Variants in SEC23IP observed in about 807,000 individuals in gnomAD.
SEC23IP encodes the protein SEC23-interacting protein.
SEC23IP carries 70 observed loss-of-function variants against 113.4 expected under a neutral mutation model. The ratio of observed to expected loss-of-function variants is 0.62; its 90% CI spans 0.51 to 0.75. The LOEUF (loss-of-function observed/expected upper bound fraction) is 0.75, where lower values mean the gene tolerates loss of function less well. SEC23IP is among the 30% of genes least tolerant of loss of function. The probability of loss-of-function intolerance (pLI) is 0.00; values close to 1 mark genes in which losing one functional copy is unlikely to be tolerated. For synonymous variants in SEC23IP, 398 were observed against 421.0 expected (o/e 0.95, Z 0.67); for missense variants, 1,160 against 1,204.9 (o/e 0.96, Z 0.55).
At chr10:119,909,369 G>A (rs1312175004) in intron 5 of SEC23IP, among the ~76,000 whole-genome samples, 1 of 152,162 alleles carries the variant, frequency 6.6e-6, no homozygotes, top group Non-Finnish European at 1.5e-5. Flanking sequence ...ACCTGTGAGA[G>A]GCTGAGACAG....
intron 13 of SEC23IP, among the ~76,000 whole-genome samples, chr10:119,927,699 T>C (rs1855468507): frequency 6.6e-6 from 1 of 152,238 alleles, no homozygotes; most frequent in Non-Finnish European, 1.5e-5. Context: ...TATGAGGTAT[T>C]AGGGGTTAGG....
rs1052145920 is a variant in SEC23IP, at chr10:119,910,825, G to A, written c.1192-1219G>A. Among the ~76,000 whole-genome samples the A allele has an allele frequency of 6.6e-5, 10 of 151,904 alleles. No individual in the cohort carries two copies. In the East Asian group the frequency reaches 1.9e-3, roughly 29 times the overall value. On this transcript the variant is annotated intron_variant, in intron 5 of 18. Coordinates refer to ENST00000369075, the MANE Select transcript of SEC23IP (RefSeq NM_007190.4). ...GCCTCCCGAGTAGCTAGGACTACAG[G>A]TGTGCGCCACCTTGCCTGGCCAGTT...
intron 7 of SEC23IP, 128 bp from the exon 8 acceptor site, chr10:119,915,620 C>T: frequency 1.5e-6 from 1 of 689,418 alleles, no homozygotes. Context: ...TTCTCTTATC[C>T]TCATTTTTTT....
At position 119,941,847 on chromosome 10, in the gene SEC23IP, TC is replaced by T. The variant is rs1855974202; in HGVS notation, c.*1284del. ...GTCAGTATGTAACGTTAGCATTGGCTCCTAATGGTAGAATTAGAACAGCAAG... is the reference window on the plus strand; with the variant it reads ...GTCAGTATGTAACGTTAGCATTGGCTCTAATGGTAGAATTAGAACAGCAAG... On this transcript the variant is annotated 3_prime_UTR_variant, in exon 19 of 19. Transcript: ENST00000369075. 6.6e-6 allele frequency: 1 copy of T among 152,640 alleles called. No homozygotes were observed. The highest frequency in any genetic ancestry group is 6.5e-5 in the Admixed American group (1 of 15,274). 9.5% of individuals were successfully genotyped at this position (152,640 alleles called of 1,614,324 possible). A position where few individuals can be genotyped will look rare whatever the true frequency, so the allele number is the denominator to read the frequency against.
In SEC23IP at chr10:119,898,824, T is replaced by G; in HGVS notation, c.561T>G (p.Pro187=). ...GATACAATCCATATCGCCATACCCC[T>G]GGCAGCAGCAGGGCTAATCCTTACA... ...QPGYNPYRHT[P]GSSRANPYIA... is the part of the protein sequence containing the mutation. Residue 187 remains proline (P), a synonymous_variant, in exon 2 of 19, where the codon CCT becomes CCG. Transcript: ENST00000369075. The G allele has an allele frequency of 6.2e-7, 1 of 1,614,068 alleles. No homozygotes were observed. The highest frequency in any genetic ancestry group is 8.5e-7 in the Non-Finnish European group (1 of 1,180,022).
At chr10:119,929,378 C>T (rs962411757) in intron 13 of SEC23IP, among the ~76,000 whole-genome samples, 1 of 152,046 alleles carries the variant, frequency 6.6e-6, no homozygotes, top group Non-Finnish European at 1.5e-5. Flanking sequence ...GAACTACAGG[C>T]GCATGCCACC....
At chr10:119,933,225 C>T in intron 17 of SEC23IP, 58 bp downstream of exon 17, 1 of 1,431,116 alleles carries the variant, frequency 7.0e-7, no homozygotes, top group Non-Finnish European at 9.7e-7. Flanking sequence ...GCACGTGCAG[C>T]AATTTTAGTT....
At chr10:119,931,822 G>A (rs1363785699) in intron 15 of SEC23IP, among the ~76,000 whole-genome samples, 1 of 151,848 alleles carries the variant, frequency 6.6e-6, no homozygotes, top group Non-Finnish European at 1.5e-5. Context: ...AAAGTGCTGG[G>A]ATTACAGGTG....
intron 2 of SEC23IP, among the ~76,000 whole-genome samples, chr10:119,900,944 A>ATT: frequency 7.4e-6 from 1 of 136,024 alleles, no homozygotes; most frequent in South Asian, 2.2e-4. Flanking sequence ...TCTATAATCT[A>ATT]TTTTTTTTTT....
intron 4 of SEC23IP, among the ~76,000 whole-genome samples, chr10:119,905,801 C>T (rs142780532): frequency 5.9e-5 from 9 of 151,930 alleles, no homozygotes; most frequent in East Asian, 1.9e-4. Context: ...AATTAACATA[C>T]GTAAATTAGT....
rs574740072 is a variant in SEC23IP, at chr10:119,914,672, T to C, written c.1313-58T>C. The C allele has an allele frequency of 9.3e-5, 129 of 1,381,900 alleles. No individual in the cohort carries two copies. In the African/African-American group the frequency reaches 1.8e-3, roughly 19 times the overall value. The allele number at this position is 1,381,900 out of a possible 1,614,324, so 85.6% of individuals were successfully genotyped here. A position where few individuals can be genotyped will look rare whatever the true frequency, so the allele number is the denominator to read the frequency against. ...AAAGGGATATCTAGAATATTGCCAT[T>C]AGGAAAATCCAAACAAATTCCCATC... On this transcript the variant is annotated intron_variant, in intron 6 of 18. Transcript: ENST00000369075.
rs756524270 is a variant in SEC23IP at position 119,920,952 on chromosome 10, G to T, written c.2089G>T (p.Ala697Ser). 6.2e-7 allele frequency: 1 copy of T among 1,613,770 alleles called. No individual in the cohort carries two copies. The highest frequency in any genetic ancestry group is 2.2e-5 in the East Asian group (1 of 44,858). ...ACCCCTTGGACCCAGAAAGAAGATA[G>T]CTAACTTTGTAGAACATAAAGCAGC... ...GIPLGPRKKI[A>S]NFVEHKAAKL... is the part of the protein sequence containing the mutation. Residue 697 changes from alanine to serine, a missense_variant, in exon 12 of 19, where the codon GCT becomes TCT. By Grantham distance (99) the Ala-to-Ser change is moderately conservative. Transcript: ENST00000369075.
At chr10:119,930,511 C>T (rs1357223360) in intron 15 of SEC23IP, 80 bp downstream of exon 15, 5 of 764,164 alleles carry the variant, frequency 6.5e-6, no homozygotes, top group African/African-American at 5.3e-5. Flanking sequence ...GACACTAAAT[C>T]GTCTCTGAGA....
chr10:119,909,302 A>G (rs765410406), intron 5 of SEC23IP, among the ~76,000 whole-genome samples, 172 bp downstream of exon 5: 1 of 152,246 alleles, frequency 6.6e-6, no homozygotes, highest in Admixed American at 6.5e-5. Context: ...TATTATTTCT[A>G]TGATTCACAC....
chr10:119,913,515 G>T (rs751473192), intron 6 of SEC23IP, among the ~76,000 whole-genome samples: 4 of 148,208 alleles, frequency 2.7e-5, no homozygotes, highest in Non-Finnish European at 5.9e-5. Flanking sequence ...TTTTTGAATG[G>T]AGTCTCACTC....
intron 14 of SEC23IP, 72 bp downstream of exon 14, chr10:119,929,834 A>C (rs1312276188): frequency 9.4e-7 from 1 of 1,060,344 alleles, no homozygotes; most frequent in African/African-American, 1.6e-5. Flanking sequence ...TTTTTTATAG[A>C]GATGGGGTCT....
intron 11 of SEC23IP, among the ~76,000 whole-genome samples, chr10:119,919,976 G>C (rs1041619855): frequency 1.3e-5 from 2 of 152,116 alleles, no homozygotes; most frequent in Non-Finnish European, 2.9e-5. Flanking sequence ...ATATAAACAT[G>C]ATTTACAGAA....
At chr10:119,937,908 T>C (rs1286788466) in intron 18 of SEC23IP, among the ~76,000 whole-genome samples, 1 of 152,184 alleles carries the variant, frequency 6.6e-6, no homozygotes, top group Non-Finnish European at 1.5e-5. Context: ...TTTCCTAGGC[T>C]TTCTCATCTC....
intron 7 of SEC23IP, among the ~76,000 whole-genome samples, chr10:119,915,362 G>A (rs2134488458): frequency 6.6e-6 from 1 of 152,180 alleles, no homozygotes. Context: ...TGGGATAGTG[G>A]GGGTTGGGGG....
Sources: allele counts gnomAD v4.1 joint callset (sites outside exome capture counted in the v4.1 genomes callset), GRCh38; gene constraint gnomAD v4.1.1; transcripts MANE v1.5; gene names NCBI Gene and HGNC (gene_info 2026-07-23, HGNC 2026-07-21).